SMYD3: variants seen among roughly 807,000 people sequenced by gnomAD.
SMYD3 encodes the protein SET and MYND domain containing 3.
SMYD3 carries 36 observed loss-of-function variants against 57.7 expected under a neutral mutation model. The ratio of observed to expected loss-of-function variants is 0.62; its 90% confidence interval spans 0.48 to 0.82. The LOEUF is 0.82. Ranked by LOEUF, SMYD3 falls within the 40% of genes least tolerant of loss-of-function variation. The pLI, the probability that SMYD3 is intolerant of heterozygous loss-of-function variation, is 0.00. For missense variants in SMYD3, 515 were observed against 538.8 expected (o/e 0.96, Z 0.44); for synonymous variants, 211 against 195.0 (o/e 1.08, Z -0.68).
At chr1:245,949,073 C>T (rs2057526178) in intron 5 of SMYD3, among the ~76,000 whole-genome samples, 1 of 152,200 alleles carries the variant, frequency 6.6e-6, no homozygotes, top group Non-Finnish European at 1.5e-5. Context: ...CCGGGTGCAG[C>T]CAACACCAAC....
intron 8 of SMYD3, among the ~76,000 whole-genome samples, chr1:245,885,172 G>A (rs1285156705): frequency 6.6e-6 from 1 of 152,200 alleles, no homozygotes; most frequent in African/African-American, 2.4e-5. Context: ...GCAAGACCAT[G>A]AACCCACCGG....
intron 5 of SMYD3, among the ~76,000 whole-genome samples, chr1:246,266,057 C>T (rs2064100051): frequency 6.6e-6 from 1 of 152,140 alleles, no homozygotes; most frequent in African/African-American, 2.4e-5. Context: ...TGTTCAAGAT[C>T]CCACTAATCT....
At chr1:246,125,796 G>A (rs2061500354) in intron 5 of SMYD3, among the ~76,000 whole-genome samples, 2 of 152,130 alleles carry the variant, frequency 1.3e-5, no homozygotes, top group African/African-American at 2.4e-5. Context: ...ATATGGCTAT[G>A]AACCTTAGAT....
At chr1:245,786,671 C>T (rs970795610) in intron 10 of SMYD3, among the ~76,000 whole-genome samples, 4 of 151,418 alleles carry the variant, frequency 2.6e-5, no homozygotes, top group East Asian at 1.9e-4. Flanking sequence ...CGTCCCACAG[C>T]GCCCACCAGG....
intron 1 of SMYD3, among the ~76,000 whole-genome samples, chr1:246,439,294 A>G (rs888728037): frequency 3.3e-5 from 5 of 152,156 alleles, no homozygotes; most frequent in Non-Finnish European, 7.3e-5. Context: ...GGCTGCATCC[A>G]CAGATGTGAA....
intron 1 of SMYD3, among the ~76,000 whole-genome samples, chr1:246,494,007 G>A (rs1441785888): frequency 2.0e-5 from 3 of 152,044 alleles, no homozygotes; most frequent in Non-Finnish European, 2.9e-5. Flanking sequence ...CTAGAATAAC[G>A]CACATTTTCT....
intron 5 of SMYD3, among the ~76,000 whole-genome samples, chr1:245,987,046 G>A (rs183570442): frequency 1.5e-3 from 221 of 152,250 alleles, no homozygotes; most frequent in African/African-American, 5.0e-3. Flanking sequence ...ATAGGAAAAC[G>A]CTGACAGATC....
intron 5 of SMYD3, among the ~76,000 whole-genome samples, chr1:246,066,795 A>G (rs916197776): frequency 6.6e-6 from 1 of 152,188 alleles, no homozygotes; most frequent in African/African-American, 2.4e-5. Flanking sequence ...ATCTGAAAGC[A>G]CTGGTGCATA....
chr1:246,008,440 G>A (rs1349222336), intron 5 of SMYD3, among the ~76,000 whole-genome samples: 1 of 152,224 alleles, frequency 6.6e-6, no homozygotes, highest in East Asian at 1.9e-4. Context: ...TGAGTTTCTG[G>A]GAGGTGATCT....
chr1:245,884,934 G>A (rs1307971768), intron 8 of SMYD3, among the ~76,000 whole-genome samples: 4 of 152,072 alleles, frequency 2.6e-5, no homozygotes, highest in Admixed American at 6.5e-5. Context: ...CCCCTTCCAC[G>A]CTGTGGAAGC....
chr1:246,103,897 C>T (rs1176914158), intron 5 of SMYD3, among the ~76,000 whole-genome samples: 1 of 152,150 alleles, frequency 6.6e-6, no homozygotes, highest in Non-Finnish European at 1.5e-5. Flanking sequence ...TTTCCTTTGA[C>T]TTTATCCCTC....
At chr1:246,031,526 A>T (rs2059673646) in intron 5 of SMYD3, among the ~76,000 whole-genome samples, 1 of 152,130 alleles carries the variant, frequency 6.6e-6, no homozygotes, top group Non-Finnish European at 1.5e-5. Flanking sequence ...TCACGAAGTC[A>T]GGAGATCAAA....
intron 5 of SMYD3, among the ~76,000 whole-genome samples, chr1:246,044,819 A>G (rs954684614): frequency 1.3e-5 from 2 of 152,222 alleles, no homozygotes; most frequent in African/African-American, 4.8e-5. Context: ...GTGAAGTGTT[A>G]AAGCCATTTT....
intron 1 of SMYD3, among the ~76,000 whole-genome samples, chr1:246,467,301 G>T (rs2067896648): frequency 6.6e-6 from 1 of 152,044 alleles, no homozygotes; most frequent in African/African-American, 2.4e-5. Flanking sequence ...CATACTTTAG[G>T]ATGCTACCTG....
At chr1:246,077,158 A>G (rs751426652) in intron 5 of SMYD3, among the ~76,000 whole-genome samples, 5 of 152,174 alleles carry the variant, frequency 3.3e-5, no homozygotes, top group African/African-American at 1.2e-4. Context: ...AAAACATGGC[A>G]TGTCTAATTA....
At chr1:245,951,604 A>G (rs1286941868) in intron 5 of SMYD3, among the ~76,000 whole-genome samples, 1 of 150,652 alleles carries the variant, frequency 6.6e-6, no homozygotes, top group Non-Finnish European at 1.5e-5. Flanking sequence ...GATATAGTCA[A>G]TTCCTACCTC....
chr1:245,842,073 A>G (rs2050428871), intron 10 of SMYD3, among the ~76,000 whole-genome samples: 2 of 152,350 alleles, frequency 1.3e-5, no homozygotes, highest in South Asian at 4.1e-4. Flanking sequence ...AAGGAGCACC[A>G]TATAGTCTAG....
In SMYD3 at chr1:245,954,491, T is replaced by C. The variant is rs1270790109; in HGVS notation, c.532-24554A>G. On this transcript the variant is annotated intron_variant, in intron 5 of 11. Coordinates refer to ENST00000490107, the MANE Select transcript of SMYD3 (RefSeq NM_001167740.2). The stretch of plus-strand genomic sequence containing the variant: ...ATGTTTGAGACCAGCCTGGGCAACA[T>C]GGTGAAACCCTGTCTCTACAGAAAA... Among the ~76,000 whole-genome samples, 5 of 152,206 alleles carry C rather than the reference T, an allele frequency of 3.3e-5. No individual in the cohort carries two copies. The East Asian group carries it at 9.7e-4, about 30-fold the overall frequency.
At chr1:246,438,991 G>A (rs934402873) in intron 1 of SMYD3, among the ~76,000 whole-genome samples, 1 of 151,886 alleles carries the variant, frequency 6.6e-6, no homozygotes, top group African/African-American at 2.4e-5. Flanking sequence ...ACAGGCCATG[G>A]GAGTGGTACC....
Sources: gnomAD v4.1 joint callset for allele counts (sites outside exome capture counted in the v4.1 genomes callset) on GRCh38, gnomAD v4.1.1 for gene constraint, MANE v1.5 for transcripts, NCBI Gene and HGNC (gene_info 2026-07-23, HGNC 2026-07-21) for gene names.